Variants in TIAM2 observed in about 807,000 individuals in gnomAD.
TIAM2 encodes TIAM Rac1 associated GEF 2.
A neutral mutation model predicts 152.9 loss-of-function variants in TIAM2; 80 were observed. The observed-to-expected ratio is 0.52, with a 90% CI of 0.44 to 0.63. TIAM2 has a LOEUF of 0.63. TIAM2 is among the 30% of genes least tolerant of loss of function. The probability of loss-of-function intolerance (pLI) is 0.00; values close to 1 mark genes in which losing one functional copy is unlikely to be tolerated. For synonymous variants in TIAM2, 804 were observed against 838.0 expected, an observed-to-expected ratio of 0.96 and a Z score of 0.70; for missense variants, 1,965 against 2,120.1, an observed-to-expected ratio of 0.93 and a Z score of 1.44.
At chr6:155,238,854 G>A (rs901136516) in intron 15 of TIAM2, among the ~76,000 whole-genome samples, 1 of 152,198 alleles carries the variant, frequency 6.6e-6, no homozygotes, top group Admixed American at 6.5e-5. Flanking sequence ...GAGAAAAGCA[G>A]GCCCTCAATT....
intron 2 of TIAM2, among the ~76,000 whole-genome samples, chr6:155,118,115 T>C (rs990802561): frequency 6.6e-6 from 1 of 152,276 alleles, no homozygotes; most frequent in African/African-American, 2.4e-5. Flanking sequence ...GAACAGTGGG[T>C]AGGGGAGGGT....
intron 1 of TIAM2, among the ~76,000 whole-genome samples, chr6:155,056,610 CT>C (rs1777458580): frequency 6.8e-6 from 1 of 146,804 alleles, no homozygotes; most frequent in Non-Finnish European, 1.5e-5. Context: ...ATTCATTTAT[CT>C]CTTGACTAAC....
chr6:155,075,674 C>T (rs1163236753), intron 1 of TIAM2, among the ~76,000 whole-genome samples: 1 of 152,134 alleles, frequency 6.6e-6, no homozygotes, highest in Non-Finnish European at 1.5e-5. Context: ...TTTCCCAAAT[C>T]TAGACATGAA....
chr6:155,042,994 A>G (rs1327108992), intron 1 of TIAM2, among the ~76,000 whole-genome samples: 1 of 152,162 alleles, frequency 6.6e-6, no homozygotes, highest in Non-Finnish European at 1.5e-5. Context: ...TTGTGTGAGC[A>G]CCTGCTGAGT....
chr6:155,181,360 CCAAA>C (rs1422147955), intron 12 of TIAM2, among the ~76,000 whole-genome samples: 1 of 152,180 alleles, frequency 6.6e-6, no homozygotes, highest in African/African-American at 2.4e-5. Flanking sequence ...ATGCTCAACC[CCAAA>C]CATAGTTGTT....
Position 155,061,888 on chromosome 6 carries a change from C to A in TIAM2, c.-208-28401C>A, listed in dbSNP as rs183068584. Reference sequence around the variant, plus strand: ...GGTGTACAGTTTTATGGGTTTTTCACAAATGCATGGAGTCGTATAGCCACC... The same window carrying A: ...GGTGTACAGTTTTATGGGTTTTTCAAAAATGCATGGAGTCGTATAGCCACC... On this transcript the variant is annotated intron_variant, in intron 1 of 26. Coordinates refer to ENST00000682666, the MANE Select transcript of TIAM2 (RefSeq NM_012454.4). 1.0e-2 allele frequency among the ~76,000 whole-genome samples: 1,520 copies of A among 152,246 alleles called. 23 individuals carry two copies. Among genetic ancestry groups the A allele is most frequent in the African/African-American group, 0.035 (1,449 of 41,540 alleles).
chr6:155,046,269 A>G (rs1187283800), intron 1 of TIAM2, among the ~76,000 whole-genome samples: 3 of 150,318 alleles, frequency 2.0e-5, no homozygotes, highest in African/African-American at 4.9e-5. Context: ...TCTTTCTTTA[A>G]GGTAATCATT....
In TIAM2 at chr6:155,137,055, A is replaced by G. The variant is rs1028747022; in HGVS notation, c.1195-122A>G. The G allele has an allele frequency of 3.0e-5, 31 of 1,049,358 alleles. No homozygotes were observed. In the Admixed American group the frequency reaches 3.2e-4, roughly 11 times the overall value. The allele number at this position is 1,049,358 out of a possible 1,614,324, so 65.0% of individuals were successfully genotyped here. On this transcript the variant is annotated intron_variant, in intron 4 of 26. Coordinates refer to ENST00000682666, the MANE Select transcript of TIAM2 (RefSeq NM_012454.4). ...TGATGGTTAAAGATGTATTTTTGTT[A>G]CAAGAATCTTGCTTTGCATTACATT... is the stretch of plus-strand genomic sequence containing the variant.
rs983980429 is a variant in TIAM2, at chr6:155,010,694, G to A, written c.-209+15202G>A. ...GGTACCTCCCAACCTCAGGTGATCCGCCCGCCTCGGCCTCCCAAAGTGCTG... is the reference window on the plus strand; with the variant it reads ...GGTACCTCCCAACCTCAGGTGATCCACCCGCCTCGGCCTCCCAAAGTGCTG... On this transcript the variant is annotated intron_variant, in intron 1 of 26. Coordinates refer to ENST00000682666, the MANE Select transcript of TIAM2 (RefSeq NM_012454.4). Among the ~76,000 whole-genome samples, 14 of 152,054 alleles carry A rather than the reference G, an allele frequency of 9.2e-5. No homozygotes were observed. In the East Asian group the frequency reaches 1.4e-3, roughly 15 times the overall value.
At chr6:155,116,011 G>C (rs1779001856) in intron 2 of TIAM2, among the ~76,000 whole-genome samples, 1 of 152,160 alleles carries the variant, frequency 6.6e-6, no homozygotes, top group Non-Finnish European at 1.5e-5. Context: ...GCTAAGGCCT[G>C]AGACTTGCTT....
At chr6:155,112,193 T>C (rs1305705239) in intron 2 of TIAM2, among the ~76,000 whole-genome samples, 1 of 150,272 alleles carries the variant, frequency 6.7e-6, no homozygotes, top group East Asian at 2.0e-4. Context: ...TGATGCGATC[T>C]CGGCTCACTG....
At chr6:155,050,595 C>T (rs1777296417) in intron 1 of TIAM2, among the ~76,000 whole-genome samples, 1 of 152,196 alleles carries the variant, frequency 6.6e-6, no homozygotes, top group Non-Finnish European at 1.5e-5. Context: ...TGCAGCCAAG[C>T]GAGAGGCTGA....
chr6:155,120,012 T>C (rs1359441411), intron 2 of TIAM2, among the ~76,000 whole-genome samples: 1 of 152,252 alleles, frequency 6.6e-6, no homozygotes, highest in Non-Finnish European at 1.5e-5. Context: ...ACCCACGGCT[T>C]GATCAGCCTT....
intron 15 of TIAM2, among the ~76,000 whole-genome samples, chr6:155,221,125 T>G (rs199642326): frequency 1.4e-4 from 5 of 34,862 alleles, no homozygotes; most frequent in South Asian, 1.3e-3. Context: ...TTTTTTTTTT[T>G]GAAAAAAAAA....
chr6:155,023,423 T>C (rs1036625979), intron 1 of TIAM2, among the ~76,000 whole-genome samples: 4 of 152,204 alleles, frequency 2.6e-5, no homozygotes, highest in African/African-American at 9.6e-5. Flanking sequence ...TGTCTTTGCA[T>C]ATTGAACCCT....
chr6:155,184,684 T>C (rs1780992177), intron 14 of TIAM2, among the ~76,000 whole-genome samples: 1 of 152,206 alleles, frequency 6.6e-6, no homozygotes, highest in African/African-American at 2.4e-5. Flanking sequence ...GTTGTTAGGA[T>C]TGATTTAATT....
chr6:155,214,310 T>C lies in TIAM2; in HGVS notation c.3168+3003T>C, dbSNP rs1206919568. Among the ~76,000 whole-genome samples the C allele has an allele frequency of 1.3e-5, 2 of 152,204 alleles. No individual in the cohort carries two copies. The highest frequency in any genetic ancestry group is 3.9e-4 in the East Asian group (2 of 5,194). ...TCAAGACCACCAGGAGCCAGGCACA[T>C]GGCACATCCTTTGGAGGAACCATGT... On this transcript the variant is annotated intron_variant, in intron 15 of 26. Coordinates refer to ENST00000682666, the MANE Select transcript of TIAM2 (RefSeq NM_012454.4). The surrounding 1 kb of genome is among the most constrained non-coding windows in gnomAD (Gnocchi z 5.4).
chr6:155,054,293 C>T (rs1265320829), intron 1 of TIAM2, among the ~76,000 whole-genome samples: 1 of 152,200 alleles, frequency 6.6e-6, no homozygotes, highest in African/African-American at 2.4e-5. Context: ...TAATCCTTCT[C>T]ACCTTACAGG....
intron 1 of TIAM2, among the ~76,000 whole-genome samples, chr6:154,996,355 C>A (rs768809733): frequency 1.3e-5 from 2 of 152,090 alleles, no homozygotes; most frequent in Non-Finnish European, 2.9e-5. Flanking sequence ...TAATTTCATT[C>A]AGGGGGAGGT....
Sources: allele counts gnomAD v4.1 joint callset (sites outside exome capture counted in the v4.1 genomes callset), GRCh38; gene constraint gnomAD v4.1.1; non-coding constraint Gnocchi (gnomAD v3.1); transcripts MANE v1.5; gene names NCBI Gene and HGNC (gene_info 2026-07-23, HGNC 2026-07-21).